TMEM169: variants seen among roughly 807,000 people sequenced by gnomAD.
TMEM169 encodes the protein transmembrane protein 169.
A neutral mutation model predicts 27.3 loss-of-function variants in TMEM169; 18 were observed. That is an observed-to-expected ratio of 0.66 (90% CI 0.46 to 0.98). The LOEUF (loss-of-function observed/expected upper bound fraction) is 0.98, where lower values mean the gene tolerates loss of function less well. Among genes scored for constraint, TMEM169 ranks in the 50% least tolerant of loss-of-function variants. The pLI, the probability that TMEM169 is intolerant of heterozygous loss-of-function variation, is 0.00. For synonymous variants in TMEM169, 136 were observed against 142.1 expected, an observed-to-expected ratio of 0.96 and a Z score of 0.30; for missense variants, 320 against 368.6, an observed-to-expected ratio of 0.87 and a Z score of 1.08.
At chr2:216,095,512 C>T (rs1033624757) in intron 1 of TMEM169, among the ~76,000 whole-genome samples, 6 of 152,124 alleles carry the variant, frequency 3.9e-5, no homozygotes, top group African/African-American at 1.4e-4. Flanking sequence ...ACTATGCTAA[C>T]TACTTATGTA....
intron 1 of TMEM169, among the ~76,000 whole-genome samples, chr2:216,088,225 C>T (rs371110845): frequency 7.9e-5 from 12 of 151,588 alleles, no homozygotes; most frequent in African/African-American, 1.9e-4. Flanking sequence ...TTTGGGAGAC[C>T]GAGGCGGGCA....
chr2:216,089,996 CTTTGCAAGTGACTT>C lies in TMEM169; in HGVS notation c.-126-5841_-126-5828del, dbSNP rs1357515594. 1.1e-4 allele frequency among the ~76,000 whole-genome samples: 17 copies of C among 152,286 alleles called. 1 individual carries two copies. The highest frequency in any genetic ancestry group is 3.4e-3 in the Middle Eastern group (1 of 294). ...GCTAATTTCCTGGCCTATTTCTCATCTTTGCAAGTGACTTGCGCGTGTGCGTGCGTGCATGTGTG... is the reference window on the plus strand; with the variant it reads ...GCTAATTTCCTGGCCTATTTCTCATCGCGCGTGTGCGTGCGTGCATGTGTG... On this transcript the variant is annotated intron_variant, in intron 1 of 2. Transcript: ENST00000437356.
intron 1 of TMEM169, among the ~76,000 whole-genome samples, chr2:216,083,160 A>C (rs6729928): frequency 0.1 from 15,839 of 152,220 alleles, 2,704 homozygotes; most frequent in African/African-American, 0.36. Context: ...AGAAAGGAAT[A>C]AATCTCCTGG....
intron 1 of TMEM169, among the ~76,000 whole-genome samples, chr2:216,094,565 C>T (rs1276979737): frequency 6.6e-6 from 1 of 152,136 alleles, no homozygotes; most frequent in African/African-American, 2.4e-5. Flanking sequence ...AATGGAAGTA[C>T]AAACACCACC....
chr2:216,096,859 A>G (rs151318177), intron 2 of TMEM169, among the ~76,000 whole-genome samples: 34 of 152,378 alleles, frequency 2.2e-4, no homozygotes, highest in African/African-American at 8.2e-4. Flanking sequence ...ATAATTGTTG[A>G]CTTTCATATG....
chr2:216,099,881 T>A lies in TMEM169; in HGVS notation c.272-39T>A. 1.3e-5 allele frequency: 21 copies of A among 1,573,324 alleles called. No individual in the cohort carries two copies. The highest frequency in any genetic ancestry group is 1.8e-5 in the Non-Finnish European group (21 of 1,163,396). On this transcript the variant is annotated intron_variant, in intron 2 of 2. Coordinates refer to ENST00000437356, the MANE Select transcript of TMEM169 (RefSeq NM_001142311.2). The surrounding 1 kb of genome is among the most constrained non-coding windows in gnomAD (Gnocchi z 5.0). The stretch of plus-strand genomic sequence containing the variant: ...TGCAACATGGAGATGCAATGCCCAC[T>A]CTTCTGATCTTGACTCTCACCTCCT...
rs200094939 is a variant in TMEM169, at chr2:216,095,479, A to C, written c.-126-359A>C. Among the ~76,000 whole-genome samples the C allele has an allele frequency of 6.6e-5, 10 of 152,268 alleles. No individual in the cohort carries two copies. In the East Asian group the frequency reaches 1.9e-3, roughly 29 times the overall value. On this transcript the variant is annotated intron_variant, in intron 1 of 2. Coordinates refer to ENST00000437356, the MANE Select transcript of TMEM169 (RefSeq NM_001142311.2). ...GCTCCAACTAGAGGCTGATTTATAC[A>C]CAAAAATCGGTAACACAAGCAGACT...
chr2:216,087,167 C>A (rs1232717064), intron 1 of TMEM169, among the ~76,000 whole-genome samples: 1 of 104,886 alleles, frequency 9.5e-6, no homozygotes, highest in East Asian at 4.9e-4. Flanking sequence ...AGTCACGTTG[C>A]AGGAAAGGGA....
intron 2 of TMEM169, among the ~76,000 whole-genome samples, chr2:216,098,665 A>G (rs998793089): frequency 6.6e-6 from 1 of 151,976 alleles, no homozygotes; most frequent in African/African-American, 2.4e-5. Context: ...ATCCCCACCC[A>G]GACTTCTAGG....
At chr2:216,083,533 T>C (rs1695923361) in intron 1 of TMEM169, among the ~76,000 whole-genome samples, 1 of 152,154 alleles carries the variant, frequency 6.6e-6, no homozygotes, top group Non-Finnish European at 1.5e-5. Context: ...TATAGATTCT[T>C]AGAGGTGTGC....
intron 1 of TMEM169, among the ~76,000 whole-genome samples, chr2:216,089,620 C>G (rs1696082287): frequency 2.0e-5 from 3 of 152,102 alleles, no homozygotes; most frequent in Admixed American, 2.0e-4. Flanking sequence ...CCACGCCAAG[C>G]TACTTGTATT....
intron 2 of TMEM169, among the ~76,000 whole-genome samples, chr2:216,096,592 T>C (rs560474417): frequency 6.6e-6 from 1 of 152,326 alleles, no homozygotes; most frequent in East Asian, 1.9e-4. Flanking sequence ...CTCGAACTCC[T>C]GGCCTCAAGT....
intron 1 of TMEM169, among the ~76,000 whole-genome samples, chr2:216,090,259 A>G (rs1361069240): frequency 1.3e-5 from 2 of 152,200 alleles, no homozygotes; most frequent in Non-Finnish European, 2.9e-5. Context: ...AGTTGGAGCT[A>G]TTGGAGAAGG....
At chr2:216,084,206 T>C (rs981329988) in intron 1 of TMEM169, among the ~76,000 whole-genome samples, 1 of 149,130 alleles carries the variant, frequency 6.7e-6, no homozygotes, top group Non-Finnish European at 1.5e-5. Flanking sequence ...CTTTATTTTC[T>C]CCCCTCTGCA....
At chr2:216,086,665 C>T (rs1696006184) in intron 1 of TMEM169, among the ~76,000 whole-genome samples, 1 of 152,148 alleles carries the variant, frequency 6.6e-6, no homozygotes, top group Non-Finnish European at 1.5e-5. Flanking sequence ...TCTTCTGTGT[C>T]CTATGAAGTC....
Position 216,099,838 on chromosome 2 carries a change from A to T in TMEM169, c.272-82A>T. On this transcript the variant is annotated intron_variant, in intron 2 of 2. Transcript: ENST00000437356. The surrounding 1 kb of genome is among the most constrained non-coding windows in gnomAD (Gnocchi z 5.0). ...TGTAAAAAAGGCTACTCTTGTCCTC[A>T]TGCCCAGCCTGGGAGGGTGCAACAT... The T allele has an allele frequency of 5.2e-6, 8 of 1,533,402 alleles. No homozygotes were observed. Among genetic ancestry groups the T allele is most frequent in the Non-Finnish European group, 7.0e-6 (8 of 1,144,480 alleles). 95.0% of individuals were successfully genotyped at this position (1,533,402 alleles called of 1,614,324 possible).
intron 1 of TMEM169, among the ~76,000 whole-genome samples, chr2:216,086,307 C>T (rs1574429231): frequency 1.3e-5 from 2 of 152,130 alleles, no homozygotes; most frequent in Non-Finnish European, 2.9e-5. Context: ...AAGTGATCCA[C>T]CTGCCTCGGC....
At position 216,100,404 on chromosome 2, in the gene TMEM169, C is replaced by G; in HGVS notation, c.756C>G (p.Phe252Leu). 1 of 1,614,040 alleles carries G rather than the reference C, an allele frequency of 6.2e-7. No homozygotes were observed. The highest frequency in any genetic ancestry group is 8.5e-7 in the Non-Finnish European group (1 of 1,180,022). ...WQAARDMEKG[F>L]CGWLCSKLGL... Reference sequence around the variant, plus strand: ...CTGCCCGGGACATGGAGAAAGGCTTCTGTGGCTGGCTCTGCAGCAAGCTGG... The same window carrying G: ...CTGCCCGGGACATGGAGAAAGGCTTGTGTGGCTGGCTCTGCAGCAAGCTGG... The change falls in exon 3 of 3, where the codon TTC (phenylalanine) becomes TTG (leucine). Residue 252 changes from phenylalanine to leucine, a missense_variant. Physicochemically the swap from Phe to Leu is conservative, Grantham distance 22 (BLOSUM62 0). Coordinates refer to ENST00000437356, the MANE Select transcript of TMEM169 (RefSeq NM_001142311.2).
rs1029985588 is a variant in TMEM169, at chr2:216,100,939, T to C, written c.*397T>C. The C allele has an allele frequency of 7.5e-6, 2 of 265,818 alleles. No homozygotes were observed. The highest frequency in any genetic ancestry group is 1.5e-5 in the Non-Finnish European group (2 of 137,906). 16.5% of individuals were successfully genotyped at this position (265,818 alleles called of 1,614,324 possible). A position where few individuals can be genotyped will look rare whatever the true frequency, so the allele number is the denominator to read the frequency against. ...ACCAAGATAATAGACAGGGATGGAG[T>C]GAGACATTTAGGAAGCTGGACTACC... On this transcript the variant is annotated 3_prime_UTR_variant, in exon 3 of 3. Coordinates refer to ENST00000437356, the MANE Select transcript of TMEM169 (RefSeq NM_001142311.2).
Sources: gnomAD v4.1 joint callset for allele counts (sites outside exome capture counted in the v4.1 genomes callset) on GRCh38, gnomAD v4.1.1 for gene constraint, Gnocchi (gnomAD v3.1) non-coding constraint, MANE v1.5 for transcripts, NCBI Gene and HGNC (gene_info 2026-07-23, HGNC 2026-07-21) for gene names.